Variants in MINDY4B observed in about 807,000 individuals in gnomAD.
The protein encoded by MINDY4B is MINDY family member 4B.
Under a neutral mutation model 16.7 loss-of-function variants are expected in MINDY4B, and 25 were observed. That is an observed-to-expected ratio of 1.49 (90% confidence interval 1.09 to 2.09). The LOEUF is 2.09. Among genes scored for constraint, MINDY4B ranks in the 30% most tolerant of loss-of-function variants. MINDY4B has a pLI of 0.00. For missense variants in MINDY4B, 327 were observed against 168.4 expected (o/e 1.94, Z -5.21); for synonymous variants, 132 against 61.9 (o/e 2.13, Z -5.32).
intron 10 of MINDY4B, among the ~76,000 whole-genome samples, chr3:150,876,480 A>G (rs965724683): frequency 6.6e-6 from 1 of 152,204 alleles, no homozygotes; most frequent in Non-Finnish European, 1.5e-5. Context: ...CATAACTGTT[A>G]ATGGCCTGGC....
At chr3:150,878,117 G>A (rs986356830) in intron 10 of MINDY4B, among the ~76,000 whole-genome samples, 2 of 152,014 alleles carry the variant, frequency 1.3e-5, no homozygotes, top group Non-Finnish European at 2.9e-5. Flanking sequence ...TGGAGTGGAC[G>A]TGGGGATTCA....
intron 7 of MINDY4B, among the ~76,000 whole-genome samples, chr3:150,885,866 T>C (rs523001): frequency 0.47 from 70,865 of 152,062 alleles, 18,910 homozygotes; most frequent in South Asian, 0.62. Context: ...GCTTTGGAGT[T>C]ATACACCTCG....
intron 2 of MINDY4B, among the ~76,000 whole-genome samples, chr3:150,904,097 AT>A: frequency 6.6e-6 from 1 of 152,348 alleles, no homozygotes; most frequent in South Asian, 2.1e-4. Flanking sequence ...AGAGGCAAAG[AT>A]TCTTTCTTAT....
intron 4 of MINDY4B, 137 bp from the exon 5 acceptor site, chr3:150,893,552 C>T (rs892980638): frequency 3.1e-6 from 2 of 654,756 alleles, no homozygotes; most frequent in Non-Finnish European, 5.6e-6. Context: ...TGCCACTCCT[C>T]CCTGCAGCCG....
In MINDY4B at chr3:150,897,381, A is replaced by G. The variant is rs1016610096; in HGVS notation, c.310-3076T>C. 2.0e-4 allele frequency among the ~76,000 whole-genome samples: 28 copies of G among 143,108 alleles called. 1 individual carries two copies. Among genetic ancestry groups the G allele is most frequent in the Non-Finnish European group, 3.0e-5 (2 of 66,528 alleles). The allele number at this position is 143,108 out of a possible 152,430, so 93.9% of individuals were successfully genotyped here. A position where few individuals can be genotyped will look rare whatever the true frequency, so the allele number is the denominator to read the frequency against. ...TGTGTGTGTGTGTAGGCCAAGGGGT[A>G]GGAAGAAGAGTAGAAGCTCAGATTG... On this transcript the variant is annotated intron_variant, in intron 3 of 11. Transcript: ENST00000465419.
rs1717011826 is a variant in MINDY4B at position 150,873,277 on chromosome 3, G to A, written c.1150C>T (p.Leu384Phe). 1 of 702,996 alleles carries A rather than the reference G, an allele frequency of 1.4e-6. No homozygotes were observed. Among genetic ancestry groups the A allele is most frequent in the Non-Finnish European group, 2.6e-6 (1 of 384,876 alleles). 43.5% of individuals were successfully genotyped at this position (702,996 alleles called of 1,614,324 possible). ...CGTTCCATTTTCCAGTCTGATAAGA[G>A]CTGCCTGTTTGTGCAAAAAAGGATG... is the stretch of plus-strand genomic sequence containing the variant. ...YSILFCTNRQ[L>F]LSDWKMERLF... Residue 384 changes from leucine to phenylalanine, a missense_variant, in exon 11 of 12, where the codon CTC (leucine) becomes TTC (phenylalanine). Physicochemically the swap from Leu to Phe is conservative, Grantham distance 22 (BLOSUM62 0). Transcript: ENST00000465419.
At chr3:150,881,746 A>T (rs12634056) in intron 10 of MINDY4B, among the ~76,000 whole-genome samples, 6 of 152,068 alleles carry the variant, frequency 3.9e-5, no homozygotes, top group Admixed American at 2.0e-4. Flanking sequence ...CTATCACTTC[A>T]CATTTTTCTA....
Position 150,890,302 on chromosome 3 carries a change from C to T in MINDY4B, c.753+18G>A, listed in dbSNP as rs1313830386. The T allele has an allele frequency of 3.9e-6, 2 of 511,382 alleles. No homozygotes were observed. The highest frequency in any genetic ancestry group is 7.5e-5 in the Admixed American group (2 of 26,624). The allele number at this position is 511,382 out of a possible 1,614,324, so 31.7% of individuals were successfully genotyped here. ...ATCAGTCAACATAAAGGAATTATCT[C>T]AACACTTAAACACTTACACATAGTA... On this transcript the variant is annotated intron_variant, in intron 7 of 11. Coordinates refer to ENST00000465419, the MANE Select transcript of MINDY4B (RefSeq NM_001351281.2).
intron 10 of MINDY4B, among the ~76,000 whole-genome samples, chr3:150,882,564 G>GTATATATATATA (rs59302082): frequency 1.3e-4 from 19 of 148,096 alleles, no homozygotes; most frequent in East Asian, 8.2e-4. Context: ...GTGTATGTGT[G>GTATATATATATA]TATATATATA....
chr3:150,887,298 T>G (rs544717662), intron 7 of MINDY4B, among the ~76,000 whole-genome samples: 35 of 152,318 alleles, frequency 2.3e-4, no homozygotes, highest in Middle Eastern at 6.8e-3. Context: ...GGTGAGATAT[T>G]CCATCACACT....
Position 150,883,684 on chromosome 3 carries a change from G to A in MINDY4B, c.897+16C>T, listed in dbSNP as rs1258548896. 1 of 702,572 alleles carries A rather than the reference G, an allele frequency of 1.4e-6. No homozygotes were observed. Among genetic ancestry groups the A allele is most frequent in the South Asian group, 1.5e-5 (1 of 67,576 alleles). 43.5% of individuals were successfully genotyped at this position (702,572 alleles called of 1,614,324 possible). ...ATTCAGATTCTACAATAGAAAGGCA[G>A]AGTCTTCCAGCTCACCTGCCTGCAC... On this transcript the variant is annotated intron_variant, in intron 9 of 11. Coordinates refer to ENST00000465419, the MANE Select transcript of MINDY4B (RefSeq NM_001351281.2).
rs143142423 is a variant in MINDY4B, at chr3:150,884,155, G to A, written c.825-383C>T. Among the ~76,000 whole-genome samples, 10 of 152,320 alleles carry A rather than the reference G, an allele frequency of 6.6e-5. No individual in the cohort carries two copies. The East Asian group carries it at 1.7e-3, about 26-fold the overall frequency. The stretch of plus-strand genomic sequence containing the variant: ...GGTTCAAGGCAGATCTCAACAGATT[G>A]TCCAAATGGAAAACACGGTTGTGGC... On this transcript the variant is annotated intron_variant, in intron 8 of 11. Coordinates refer to ENST00000465419, the MANE Select transcript of MINDY4B (RefSeq NM_001351281.2).
intron 3 of MINDY4B, among the ~76,000 whole-genome samples, chr3:150,898,274 A>C (rs1468316626): frequency 6.6e-6 from 1 of 152,234 alleles, no homozygotes; most frequent in African/African-American, 2.4e-5. Flanking sequence ...AAGAGAGGAA[A>C]AGCTGTGTAT....
At chr3:150,904,605 T>A (rs1347707834) in intron 2 of MINDY4B, among the ~76,000 whole-genome samples, 1 of 152,242 alleles carries the variant, frequency 6.6e-6, no homozygotes, top group Non-Finnish European at 1.5e-5. Context: ...TTATATTGTA[T>A]ATCAGATTTT....
At position 150,882,823 on chromosome 3, in the gene MINDY4B, C is replaced by T. The variant is rs953598755; in HGVS notation, c.1059+74G>A. The T allele has an allele frequency of 5.2e-6, 3 of 577,844 alleles. No individual in the cohort carries two copies. The Admixed American group carries it at 7.6e-5, about 15-fold the overall frequency. 35.8% of individuals were successfully genotyped at this position (577,844 alleles called of 1,614,324 possible). A position where few individuals can be genotyped will look rare whatever the true frequency, so the allele number is the denominator to read the frequency against. On this transcript the variant is annotated intron_variant, in intron 10 of 11. Transcript: ENST00000465419. ...GAAAGTAGGCTCGGGTTTGAATTGC[C>T]TAAATAGACAGACTTTTAAACTGTT... is the stretch of plus-strand genomic sequence containing the variant.
chr3:150,873,887 C>T (rs573204117), intron 10 of MINDY4B, among the ~76,000 whole-genome samples: 114 of 151,972 alleles, frequency 7.5e-4, no homozygotes, highest in South Asian at 2.7e-3. Flanking sequence ...GAAACACATA[C>T]ACACATCACA....
chr3:150,871,687 A>G (rs1559962916), intron 11 of MINDY4B, among the ~76,000 whole-genome samples: 1 of 152,150 alleles, frequency 6.6e-6, no homozygotes, highest in African/African-American at 2.4e-5. Context: ...TGTCTCTACT[A>G]AAAATACAGA....
At chr3:150,876,895 G>A (rs578221433) in intron 10 of MINDY4B, among the ~76,000 whole-genome samples, 42 of 152,206 alleles carry the variant, frequency 2.8e-4, no homozygotes, top group African/African-American at 1.0e-3. Flanking sequence ...TTAGGTATTG[G>A]AACCTCACAC....
chr3:150,882,521 A>G (rs1012053097), intron 10 of MINDY4B, among the ~76,000 whole-genome samples: 2 of 151,220 alleles, frequency 1.3e-5, no homozygotes, highest in Admixed American at 6.6e-5. Context: ...ATGTAGCCGC[A>G]TGGGGATGAC....
Sources: allele counts gnomAD v4.1 joint callset (sites outside exome capture counted in the v4.1 genomes callset), GRCh38; gene constraint gnomAD v4.1.1; transcripts MANE v1.5; gene names NCBI Gene and HGNC (gene_info 2026-07-23, HGNC 2026-07-21).